The following ANKMY1 variants were observed in gnomAD, a reference collection of about 807,000 sequenced individuals.
ANKMY1 encodes ankyrin repeat and MYND domain containing 1.
ANKMY1 carries 98 observed loss-of-function variants against 102.0 expected under a neutral mutation model. That is an observed-to-expected ratio of 0.96 (90% CI 0.82 to 1.14). The LOEUF (loss-of-function observed/expected upper bound fraction) is 1.14. ANKMY1 is among the 50% of genes most tolerant of loss of function. The pLI, the probability that ANKMY1 is intolerant of heterozygous loss-of-function variation, is 0.00. For synonymous variants in ANKMY1, 582 were observed against 559.9 expected (o/e 1.04, Z -0.56); for missense variants, 1,330 against 1,347.6 (o/e 0.99, Z 0.20).
intron 4 of ANKMY1, among the ~76,000 whole-genome samples, chr2:240,535,622 A>G (rs1204065457): frequency 6.6e-6 from 1 of 152,242 alleles, no homozygotes; most frequent in East Asian, 1.9e-4. Context: ...TTTTCTTGTC[A>G]CATAATGTTA....
chr2:240,514,430 A>T (rs570666782), intron 9 of ANKMY1, among the ~76,000 whole-genome samples: 7 of 152,292 alleles, frequency 4.6e-5, no homozygotes, highest in Non-Finnish European at 8.8e-5. Flanking sequence ...CACAGGAGGC[A>T]GGGGGGCATC....
chr2:240,542,435 T>C (rs1324555107), intron 4 of ANKMY1, among the ~76,000 whole-genome samples: 1 of 149,808 alleles, frequency 6.7e-6, no homozygotes, highest in Non-Finnish European at 1.5e-5. Flanking sequence ...ACCTGGGAGG[T>C]GGAGGTTGCA....
intron 13 of ANKMY1, among the ~76,000 whole-genome samples, chr2:240,504,320 C>T (rs1490765088): frequency 6.6e-6 from 1 of 152,202 alleles, no homozygotes; most frequent in Non-Finnish European, 1.5e-5. Context: ...GAGAAAAGCA[C>T]CAGATTCTCC....
chr2:240,478,836 C>A (rs982697742), downstream of ANKMY1, among the ~76,000 whole-genome samples: 1 of 152,166 alleles, frequency 6.6e-6, no homozygotes, highest in Admixed American at 6.5e-5. Context: ...TCCCACCCCC[C>A]ACACTCCCAG....
chr2:240,500,919 C>G (rs1405268326), intron 13 of ANKMY1, among the ~76,000 whole-genome samples: 1 of 152,248 alleles, frequency 6.6e-6, no homozygotes, highest in Non-Finnish European at 1.5e-5. Flanking sequence ...GAGGCAGACA[C>G]CGGGCAGCTC....
intron 6 of ANKMY1, 43 bp from the exon 7 acceptor site, chr2:240,525,892 C>T: frequency 1.2e-6 from 2 of 1,601,804 alleles, no homozygotes; most frequent in Non-Finnish European, 8.5e-7. Flanking sequence ...GCACCTGGCC[C>T]TCAGGGGTGG....
At chr2:240,480,881 G>A (rs531584768) in intron 17 of ANKMY1, 56 bp downstream of exon 17, 23 of 1,571,080 alleles carry the variant, frequency 1.5e-5, no homozygotes, top group African/African-American at 5.4e-5. Context: ...CCAGGCCTGC[G>A]CCTTCGCCCT....
At position 240,499,044 on chromosome 2, in the gene ANKMY1, C is replaced by T. The variant is rs1342199802; in HGVS notation, c.2806+914G>A. Among the ~76,000 whole-genome samples, 1 of 152,150 alleles carries T rather than the reference C, an allele frequency of 6.6e-6. No individual in the cohort carries two copies. The highest frequency in any genetic ancestry group is 2.4e-5 in the African/African-American group (1 of 41,422). ...AGGTGTTCCTTTACAGCAACGCAAA[C>T]GGACTAACAGCACGTGGAAGTGTGT... On this transcript the variant is annotated intron_variant, in intron 15 of 17. Transcript: ENST00000401804. This position sits in a 1 kb window ranked among gnomAD's most constrained non-coding sequence, Gnocchi z 4.2.
At chr2:240,481,869 G>A (rs112891349) in intron 16 of ANKMY1, among the ~76,000 whole-genome samples, 6 of 152,264 alleles carry the variant, frequency 3.9e-5, no homozygotes, top group African/African-American at 1.2e-4. Context: ...CTCAGCGGCC[G>A]TCTCTGGGAT....
chr2:240,538,795 C>A (rs1000764511), intron 4 of ANKMY1, among the ~76,000 whole-genome samples: 1 of 152,198 alleles, frequency 6.6e-6, no homozygotes, highest in Non-Finnish European at 1.5e-5. Flanking sequence ...ATGCACCAGT[C>A]AGCACTCTGT....
chr2:240,538,010 T>C (rs1360687866), intron 4 of ANKMY1, among the ~76,000 whole-genome samples: 2 of 152,272 alleles, frequency 1.3e-5, no homozygotes, highest in Non-Finnish European at 2.9e-5. Flanking sequence ...TCTCTGAATC[T>C]GCTGTGATTC....
At chr2:240,544,928 G>C (rs2089983798) in intron 4 of ANKMY1, among the ~76,000 whole-genome samples, 1 of 152,158 alleles carries the variant, frequency 6.6e-6, no homozygotes, top group African/African-American at 2.4e-5. Context: ...AGCGAGGCTG[G>C]GGGAGGGGCG....
At chr2:240,532,078 T>C (rs562304907) in intron 4 of ANKMY1, 1 of 468,448 alleles carries the variant, frequency 2.1e-6, no homozygotes, top group African/African-American at 2.0e-5. Context: ...CAGGCAATAT[T>C]TGAAGAAATA....
intron 2 of ANKMY1, among the ~76,000 whole-genome samples, chr2:240,555,741 G>A (rs2092274515): frequency 6.6e-6 from 1 of 151,958 alleles, no homozygotes; most frequent in South Asian, 2.1e-4. Flanking sequence ...GACGGACGTG[G>A]CATCTCAGAC....
chr2:240,557,502 C>T, intron 1 of ANKMY1, 150 bp from the exon 2 acceptor site: 2 of 829,510 alleles, frequency 2.4e-6, no homozygotes, highest in Non-Finnish European at 3.4e-6. Context: ...ACCCACAGGT[C>T]CCGGACCACC....
At chr2:240,533,360 A>G (rs535869155) in intron 4 of ANKMY1, among the ~76,000 whole-genome samples, 7 of 152,352 alleles carry the variant, frequency 4.6e-5, no homozygotes, top group Middle Eastern at 3.4e-3. Flanking sequence ...TGAGATGTAC[A>G]TGGTCTAAAA....
In ANKMY1 at chr2:240,500,511, GCCT is replaced by G; in HGVS notation, c.2578_2580del (p.Arg860del). The G allele has an allele frequency of 1.2e-6, 2 of 1,614,166 alleles. No individual in the cohort carries two copies. Among genetic ancestry groups the G allele is most frequent in the Non-Finnish European group, 1.7e-6 (2 of 1,179,998 alleles). ...GTGCCCACTGCCTCCTTTTCTCCCTGCCTGAGCATTACAGGCTTCAGGATGTCG... is the reference window on the plus strand; with the variant it reads ...GTGCCCACTGCCTCCTTTTCTCCCTGGAGCATTACAGGCTTCAGGATGTCG... On this transcript the variant is annotated inframe_deletion, in exon 14 of 18. Transcript: ENST00000401804.
At chr2:240,560,046 G>C (rs1187017831), upstream of ANKMY1, 1 of 152,382 alleles carries the variant, frequency 6.6e-6, no homozygotes, top group Non-Finnish European at 1.5e-5. Flanking sequence ...ACAGCAAAAG[G>C]AATAGTGTGG....
At position 240,526,336 on chromosome 2, in the gene ANKMY1, T is replaced by G; in HGVS notation, c.1063A>C (p.Lys355Gln). Residue 355 changes from lysine (K) to glutamine (Q), a missense_variant, in exon 6 of 18, where the codon AAG (lysine) becomes CAG (glutamine). Coordinates refer to ENST00000401804, the MANE Select transcript of ANKMY1 (RefSeq NM_001282771.3). Reference sequence around the variant, plus strand: ...CATTCGTGGTTCCCTTCCTCAGCCTTTAGGATCATCTCCATGGAAAGTTGC... The same window carrying G: ...CATTCGTGGTTCCCTTCCTCAGCCTGTAGGATCATCTCCATGGAAAGTTGC... ...KEQLSMEMIL[K>Q]AEEGNHEWIC... is the part of the protein sequence containing the mutation. 6.2e-7 allele frequency: 1 copy of G among 1,614,216 alleles called. No homozygotes were observed. The highest frequency in any genetic ancestry group is 8.5e-7 in the Non-Finnish European group (1 of 1,180,038).
Sources: gnomAD v4.1 joint callset for allele counts (sites outside exome capture counted in the v4.1 genomes callset) on GRCh38, gnomAD v4.1.1 for gene constraint, Gnocchi (gnomAD v3.1) non-coding constraint, MANE v1.5 for transcripts, NCBI Gene and HGNC (gene_info 2026-07-23, HGNC 2026-07-21) for gene names.